The following SAP130 variants were observed in gnomAD, a reference collection of about 807,000 sequenced individuals.
SAP130 encodes the protein Sin3A associated protein 130, also known as histone deacetylase complex subunit SAP130.
Under a neutral mutation model 103.2 loss-of-function variants are expected in SAP130, and 16 were observed. The ratio of observed to expected loss-of-function variants is 0.16; its 90% CI spans 0.10 to 0.24. The LOEUF is 0.24. Among genes scored for constraint, SAP130 ranks in the 10% least tolerant of loss-of-function variants. SAP130 has a pLI of 1.00. For missense variants in SAP130, 990 were observed against 1,359.7 expected (o/e 0.73, Z 4.28); for synonymous variants, 477 against 497.0 (o/e 0.96, Z 0.53).
intron 11 of SAP130, among the ~76,000 whole-genome samples, chr2:127,993,979 G>A (rs1682994725): frequency 6.6e-6 from 1 of 151,978 alleles, no homozygotes; most frequent in South Asian, 2.1e-4. Context: ...AGGAGAATAT[G>A]ACAAAAGAAA....
chr2:128,016,943 C>T (rs960844575), intron 3 of SAP130, among the ~76,000 whole-genome samples: 1 of 152,198 alleles, frequency 6.6e-6, no homozygotes, highest in East Asian at 1.9e-4. Flanking sequence ...TCTCAGAAAC[C>T]CCCAAATTAA....
intron 3 of SAP130, 64 bp downstream of exon 3, chr2:128,017,616 T>G: frequency 7.3e-7 from 1 of 1,361,420 alleles, no homozygotes; most frequent in Non-Finnish European, 1.0e-6. Context: ...TTTATACAAA[T>G]TGTTACAAAC....
At chr2:127,993,018 A>G (rs1250658978) in intron 12 of SAP130, among the ~76,000 whole-genome samples, 169 bp downstream of exon 12, 1 of 152,242 alleles carries the variant, frequency 6.6e-6, no homozygotes, top group Non-Finnish European at 1.5e-5. Context: ...CAACTTTTAT[A>G]GATCACAAAG....
At chr2:127,985,936 GGCATGCCAGCAGGCCCCCGACCA>G (rs1682351834) in intron 14 of SAP130, among the ~76,000 whole-genome samples, 1 of 152,124 alleles carries the variant, frequency 6.6e-6, no homozygotes, top group Non-Finnish European at 1.5e-5. Flanking sequence ...GACAGACGCT[GGCATGCCAGCAGGCCCCCGACCA>G]GCAGAACGAC....
intron 1 of SAP130, chr2:128,027,036 G>T: frequency 7.4e-7 from 1 of 1,355,546 alleles, no homozygotes; most frequent in South Asian, 2.0e-5. Flanking sequence ...CCGGGGTGGG[G>T]GTGCGGACGG....
In SAP130 at chr2:127,949,924, G is replaced by T; in HGVS notation, c.2742C>A (p.Asn914Lys). 2 of 1,614,150 alleles carry T rather than the reference G, an allele frequency of 1.2e-6. No individual in the cohort carries two copies. Among genetic ancestry groups the T allele is most frequent in the Non-Finnish European group, 1.7e-6 (2 of 1,180,018 alleles). Residue 914 changes from asparagine to lysine, a missense_variant, in exon 18 of 21, where the codon AAC becomes AAA. Asn to Lys is a moderately conservative substitution (Grantham distance 94, BLOSUM62 0). Around this residue, in one of 6 missense-constraint regions of SAP130, gnomAD observed 61 missense variants for 73.8 expected, o/e 0.83. Transcript: ENST00000643581. ...AGTGGTGGTAAGCAGCTTTCCAGGG[G>T]TTCCGATAGTGACGAAGCAAAGTAA... ...PPITLLRHYR[N>K]PWKAAYHHFQ...
chr2:128,012,907 C>T, intron 6 of SAP130, 123 bp downstream of exon 6: 1 of 945,216 alleles, frequency 1.1e-6, no homozygotes, highest in Non-Finnish European at 1.5e-6. Flanking sequence ...CACTGTGCAT[C>T]TTTCAAACTT....
At position 128,016,515 on chromosome 2, in the gene SAP130, G is replaced by A. The variant is rs202142743; in HGVS notation, c.381C>T (p.Pro127=). ...PPPKPTMPSR[P]IAPAPPSTLS... is the part of the protein sequence containing the mutation. ...GGGTAGAAGGTGGAGCAGGAGCAAT[G>A]GGACGGCTAGGCATGGTGGGCTTCG... The change falls in exon 4 of 21, where the codon CCC becomes CCT. Residue 127 remains proline (P), a synonymous_variant. Coordinates refer to ENST00000643581, the MANE Select transcript of SAP130 (RefSeq NM_001330301.2). The A allele has an allele frequency of 2.5e-6, 4 of 1,613,760 alleles. No individual in the cohort carries two copies. The highest frequency in any genetic ancestry group is 3.4e-6 in the Non-Finnish European group (4 of 1,179,870).
In SAP130 at chr2:127,953,804, C is replaced by A. The variant is rs1679650948; in HGVS notation, c.2422+1182G>T. Among the ~76,000 whole-genome samples the A allele has an allele frequency of 1.3e-5, 2 of 152,168 alleles. No individual in the cohort carries two copies. The highest frequency in any genetic ancestry group is 4.8e-5 in the African/African-American group (2 of 41,438). ...TCTCCTAAAACTCTTTACACACATT[C>A]CAGCCCTGGCTACAGCTTTCCTTAT... On this transcript the variant is annotated intron_variant, in intron 16 of 20. Coordinates refer to ENST00000643581, the MANE Select transcript of SAP130 (RefSeq NM_001330301.2). The surrounding 1 kb of genome is among the most constrained non-coding windows in gnomAD (Gnocchi z 4.0).
chr2:128,018,720 A>G (rs138295964), intron 2 of SAP130, among the ~76,000 whole-genome samples: 7 of 151,490 alleles, frequency 4.6e-5, no homozygotes, highest in Non-Finnish European at 1.0e-4. Context: ...TAACCCTGGG[A>G]GGTCAAGGCT....
chr2:127,955,078 C>T lies in SAP130; in HGVS notation c.2330G>A (p.Gly777Asp), dbSNP rs1573641300. 4.3e-6 allele frequency: 7 copies of T among 1,614,018 alleles called. No individual in the cohort carries two copies. In the East Asian group the frequency reaches 1.6e-4, roughly 36 times the overall value. ...GCCCAAGACGGAGGAAAGACTGCCA[C>T]CCACAGTGACTGATGGAGGTGGTGC... Reference protein sequence around the residue: ...AAAPPPSVTVGGSLSSVLGPP... With the variant: ...AAAPPPSVTVDGSLSSVLGPP... Residue 777 changes from glycine (G) to aspartate (D), a missense_variant, in exon 16 of 21, where the codon GGT becomes GAT. Transcript: ENST00000643581. This position sits in a 1 kb window ranked among gnomAD's most constrained non-coding sequence, Gnocchi z 4.9.
At chr2:127,999,265 A>G (rs1408826671) in intron 10 of SAP130, among the ~76,000 whole-genome samples, 1 of 152,032 alleles carries the variant, frequency 6.6e-6, no homozygotes, top group Non-Finnish European at 1.5e-5. Flanking sequence ...AGGGGCTGGA[A>G]CCCACACTTT....
intron 7 of SAP130, among the ~76,000 whole-genome samples, chr2:128,002,601 C>T (rs1443743871): frequency 6.6e-6 from 1 of 152,006 alleles, no homozygotes; most frequent in Non-Finnish European, 1.5e-5. Flanking sequence ...TACTGAGTAC[C>T]TCTGTCCCCA....
chr2:128,013,089 G>A lies in SAP130; in HGVS notation c.685C>T (p.Leu229=). ...GGCTGAGCAGTAGCAGCATTTGGCA[G>A]CTGTGAGGTCGGCCTCAGGACTGTG... The part of the protein sequence containing the change: ...VTTVLRPTSQ[L]PNAATAQPAV... Residue 229 remains leucine, a synonymous_variant, in exon 6 of 21, where the codon CTG becomes TTG. Transcript: ENST00000643581. The A allele has an allele frequency of 6.2e-7, 1 of 1,613,526 alleles. No individual in the cohort carries two copies. Among genetic ancestry groups the A allele is most frequent in the Non-Finnish European group, 8.5e-7 (1 of 1,179,898 alleles).
At position 127,986,762 on chromosome 2, in the gene SAP130, T is replaced by C. The variant is rs1168143748; in HGVS notation, c.1958+23A>G. 6.2e-7 allele frequency: 1 copy of C among 1,606,994 alleles called. No individual in the cohort carries two copies. Among genetic ancestry groups the C allele is most frequent in the East Asian group, 2.2e-5 (1 of 44,726 alleles). ...TTATATCCAGAACCAGAGGTGTCAT[T>C]CGGCACTACCAGGTCTACTCACCCA... On this transcript the variant is annotated intron_variant, in intron 14 of 20. Transcript: ENST00000643581. This position sits in a 1 kb window ranked among gnomAD's most constrained non-coding sequence, Gnocchi z 4.7.
chr2:128,001,883 A>G (rs1187980980), intron 7 of SAP130, among the ~76,000 whole-genome samples: 3 of 152,180 alleles, frequency 2.0e-5, no homozygotes, highest in African/African-American at 4.8e-5. Flanking sequence ...GTTAAATTTC[A>G]TCTGTAAATA....
At chr2:127,956,702 T>TAAA (rs55931869) in intron 15 of SAP130, among the ~76,000 whole-genome samples, 88 of 111,008 alleles carry the variant, frequency 7.9e-4, no homozygotes, top group East Asian at 1.1e-3. Context: ...TAAAGTATAA[T>TAAA]AAAAAAAAAA....
chr2:128,027,143 G>C (rs1685567005), intron 1 of SAP130: 2 of 1,367,938 alleles, frequency 1.5e-6, no homozygotes, highest in Non-Finnish European at 1.9e-6. Context: ...CGCCGGCCTG[G>C]GGGTGCCGCG....
intron 15 of SAP130, among the ~76,000 whole-genome samples, chr2:127,958,196 C>T (rs550452628): frequency 5.2e-4 from 79 of 152,308 alleles, no homozygotes; most frequent in Middle Eastern, 3.4e-3. Context: ...AGGAGGATCA[C>T]GAGGTCAGGA....
Sources: allele counts gnomAD v4.1 joint callset (sites outside exome capture counted in the v4.1 genomes callset), GRCh38; gene constraint gnomAD v4.1.1; regional missense constraint gnomAD v4.1.1; non-coding constraint Gnocchi (gnomAD v3.1); transcripts MANE v1.5; gene names NCBI Gene and HGNC (gene_info 2026-07-23, HGNC 2026-07-21).